Variants in GRID2 observed in about 807,000 individuals in gnomAD.
GRID2 encodes the protein glutamate receptor ionotropic, delta-2.
GRID2 carries 33 observed loss-of-function variants against 114.8 expected under a neutral mutation model. The ratio of observed to expected loss-of-function variants is 0.29; its 90% CI spans 0.22 to 0.38. The LOEUF is 0.38. Among genes scored for constraint, GRID2 ranks in the 10% least tolerant of loss-of-function variants. The probability of loss-of-function intolerance (pLI) is 1.00; values close to 1 mark genes in which losing one functional copy is unlikely to be tolerated. For synonymous variants in GRID2, 505 were observed against 449.9 expected, an observed-to-expected ratio of 1.12 and a Z score of -1.55; for missense variants, 1,184 against 1,257.7, an observed-to-expected ratio of 0.94 and a Z score of 0.89.
intron 1 of GRID2, among the ~76,000 whole-genome samples, chr4:92,491,369 C>G (rs1010634375): frequency 6.6e-6 from 1 of 152,084 alleles, no homozygotes; most frequent in Non-Finnish European, 1.5e-5. Flanking sequence ...GATATTGATG[C>G]TTTTATCTTC....
At position 93,248,138 on chromosome 4, in the gene GRID2, T is replaced by C. The variant is rs774779697; in HGVS notation, c.1245+9648T>C. Among the ~76,000 whole-genome samples, 29 of 152,076 alleles carry C rather than the reference T, an allele frequency of 1.9e-4. 1 individual carries two copies. Among genetic ancestry groups the C allele is most frequent in the Non-Finnish European group, 4.4e-5 (3 of 68,040 alleles). ...CTCCAGTCCAGCTCAAATTCAACAA[T>C]ATGATGTGGTGGTACTTAACATCCA... is the stretch of plus-strand genomic sequence containing the variant. On this transcript the variant is annotated intron_variant, in intron 8 of 15. Coordinates refer to ENST00000282020, the MANE Select transcript of GRID2 (RefSeq NM_001510.4).
chr4:93,031,937 G>T (rs1044056690), intron 2 of GRID2, among the ~76,000 whole-genome samples: 1 of 152,046 alleles, frequency 6.6e-6, no homozygotes, highest in Non-Finnish European at 1.5e-5. Flanking sequence ...AGCAGATTCT[G>T]TGTATCTCAA....
chr4:92,435,858 T>C (rs1193941919), intron 1 of GRID2, among the ~76,000 whole-genome samples: 1 of 152,178 alleles, frequency 6.6e-6, no homozygotes, highest in East Asian at 1.9e-4. Flanking sequence ...GTCAGGAATA[T>C]TGCATAGAGA....
chr4:93,509,845 T>C (rs2149484565), intron 12 of GRID2, among the ~76,000 whole-genome samples: 1 of 152,278 alleles, frequency 6.6e-6, no homozygotes, highest in South Asian at 2.1e-4. Context: ...ATGCTACATT[T>C]TGGATCACTT....
intron 2 of GRID2, among the ~76,000 whole-genome samples, chr4:92,868,857 A>C (rs756854794): frequency 6.6e-6 from 1 of 152,146 alleles, no homozygotes; most frequent in Non-Finnish European, 1.5e-5. Context: ...TATTGCCAGA[A>C]TATGTTTCTA....
chr4:92,593,729 C>T (rs900828165), intron 2 of GRID2, among the ~76,000 whole-genome samples: 1 of 151,542 alleles, frequency 6.6e-6, no homozygotes, highest in Admixed American at 6.6e-5. Flanking sequence ...TGAGATTATT[C>T]TTTTTTCCTT....
chr4:93,295,400 T>C (rs1184865409), intron 8 of GRID2, among the ~76,000 whole-genome samples: 1 of 152,168 alleles, frequency 6.6e-6, no homozygotes, highest in Non-Finnish European at 1.5e-5. Flanking sequence ...ATGCCAAATG[T>C]ATCAATCGGG....
chr4:93,504,605 A>G (rs1578144020), intron 12 of GRID2, among the ~76,000 whole-genome samples: 2 of 152,192 alleles, frequency 1.3e-5, no homozygotes, highest in Admixed American at 6.5e-5. Context: ...AACAAACTGT[A>G]TGCGTATATT....
At chr4:93,750,103 G>T (rs1732185455) in intron 14 of GRID2, among the ~76,000 whole-genome samples, 1 of 152,158 alleles carries the variant, frequency 6.6e-6, no homozygotes, top group South Asian at 2.1e-4. Flanking sequence ...CATCCTCTGT[G>T]CAAACAACTG....
intron 1 of GRID2, among the ~76,000 whole-genome samples, chr4:92,442,845 G>T (rs1464760732): frequency 2.0e-5 from 3 of 152,142 alleles, no homozygotes; most frequent in South Asian, 2.1e-4. Flanking sequence ...TATGCCTTTA[G>T]CTCCAGCCAC....
At chr4:93,374,037 G>A (rs867368988) in intron 8 of GRID2, among the ~76,000 whole-genome samples, 7 of 152,090 alleles carry the variant, frequency 4.6e-5, no homozygotes, top group Non-Finnish European at 5.9e-5. Flanking sequence ...GGTTTAAAAC[G>A]CAGCATGCAT....
intron 2 of GRID2, among the ~76,000 whole-genome samples, chr4:92,689,069 T>C (rs913017723): frequency 3.3e-5 from 5 of 152,160 alleles, no homozygotes; most frequent in African/African-American, 1.2e-4. Context: ...CACTAATATT[T>C]TGTTGTATGA....
intron 1 of GRID2, among the ~76,000 whole-genome samples, chr4:92,481,560 C>G (rs1320145627): frequency 1.3e-5 from 2 of 151,964 alleles, no homozygotes; most frequent in Non-Finnish European, 2.9e-5. Flanking sequence ...TTCCATTCGT[C>G]TATATGTATG....
intron 1 of GRID2, among the ~76,000 whole-genome samples, chr4:92,407,941 G>A (rs1300518272): frequency 1.3e-5 from 2 of 152,002 alleles, no homozygotes; most frequent in Non-Finnish European, 2.9e-5. Context: ...TGTTTAGTTG[G>A]ATCCTACTTG....
intron 3 of GRID2, among the ~76,000 whole-genome samples, chr4:93,103,058 C>G (rs1731852158): frequency 6.6e-6 from 1 of 152,086 alleles, no homozygotes; most frequent in South Asian, 2.1e-4. Context: ...AAACTGAAGA[C>G]TGTCTTCTCC....
intron 9 of GRID2, among the ~76,000 whole-genome samples, chr4:93,402,657 G>A (rs1766010286): frequency 6.6e-6 from 1 of 152,006 alleles, no homozygotes; most frequent in Non-Finnish European, 1.5e-5. Context: ...GAACTCTTCT[G>A]CCAGTGAAGC....
chr4:93,684,816 C>T (rs901266528), intron 14 of GRID2, among the ~76,000 whole-genome samples: 1 of 151,966 alleles, frequency 6.6e-6, no homozygotes, highest in Non-Finnish European at 1.5e-5. Context: ...TTGGATTTTA[C>T]ATGAAGTACA....
intron 8 of GRID2, among the ~76,000 whole-genome samples, chr4:93,352,497 A>G (rs771003124): frequency 1.3e-5 from 2 of 152,010 alleles, no homozygotes; most frequent in Non-Finnish European, 2.9e-5. Flanking sequence ...GTGCAAGTCT[A>G]TAAGTATTCA....
At chr4:93,360,961 A>G (rs1043739977) in intron 8 of GRID2, among the ~76,000 whole-genome samples, 23 of 152,070 alleles carry the variant, frequency 1.5e-4, no homozygotes, top group Admixed American at 1.4e-3. Flanking sequence ...TTTAGTGTAC[A>G]AAGTTTTATC....
Sources: allele counts gnomAD v4.1 joint callset (sites outside exome capture counted in the v4.1 genomes callset), GRCh38; gene constraint gnomAD v4.1.1; transcripts MANE v1.5; gene names NCBI Gene and HGNC (gene_info 2026-07-23, HGNC 2026-07-21).